Variants in PCDHA9 observed in about 807,000 individuals in gnomAD.
The protein encoded by PCDHA9 is protocadherin alpha-9.
A neutral mutation model predicts 62.0 loss-of-function variants in PCDHA9; 62 were observed. That is an observed-to-expected ratio of 1.00 (90% CI 0.81 to 1.23). The LOEUF (loss-of-function observed/expected upper bound fraction) is 1.23. PCDHA9 is among the 50% of genes most tolerant of loss of function. PCDHA9 has a pLI of 0.00. For synonymous variants in PCDHA9, 557 were observed against 567.6 expected, an observed-to-expected ratio of 0.98 and a Z score of 0.27; for missense variants, 1,205 against 1,249.8, an observed-to-expected ratio of 0.96 and a Z score of 0.54.
chr5:140,858,120 T>A, intron 1 of PCDHA9: 1 of 1,597,738 alleles, frequency 6.3e-7, no homozygotes, highest in Non-Finnish European at 8.6e-7. Context: ...GAGGTGGCCC[T>A]GGTGGATGTC....
At chr5:140,884,119 C>T (rs782009154) in intron 1 of PCDHA9, 1 of 1,613,310 alleles carries the variant, frequency 6.2e-7, no homozygotes. Context: ...CGGCGGTCGG[C>T]GCGCGCATCC....
chr5:140,936,593 C>T (rs1475903432), intron 1 of PCDHA9, among the ~76,000 whole-genome samples: 1 of 152,168 alleles, frequency 6.6e-6, no homozygotes, highest in African/African-American at 2.4e-5. Context: ...GTTAGATTGC[C>T]TACTTTCCTC....
intron 1 of PCDHA9, among the ~76,000 whole-genome samples, chr5:140,921,243 G>A (rs2080116903): frequency 6.6e-6 from 1 of 151,726 alleles, no homozygotes; most frequent in Non-Finnish European, 1.5e-5. Flanking sequence ...TTAAGCCACA[G>A]ATCAAAAAGT....
intron 1 of PCDHA9, chr5:140,967,137 T>C: frequency 1.2e-6 from 2 of 1,611,728 alleles, no homozygotes; most frequent in Non-Finnish European, 1.7e-6. Context: ...TTGGAAGTGC[T>C]GGCGCACAAC....
chr5:140,884,514 C>T (rs368331245), intron 1 of PCDHA9: 3 of 1,614,176 alleles, frequency 1.9e-6, no homozygotes, highest in African/African-American at 1.3e-5. Context: ...GGGAGTTGGT[C>T]GTACTCGCAG....
At chr5:140,884,120 G>A in intron 1 of PCDHA9, 1 of 1,613,322 alleles carries the variant, frequency 6.2e-7, no homozygotes, top group Non-Finnish European at 8.5e-7. Flanking sequence ...GGCGGTCGGC[G>A]CGCGCATCCC....
Position 140,870,063 on chromosome 5 carries a change from G to A in PCDHA9, c.2394+19174G>A. ...ACAAGTTTTATAAAATTGAAGTACA[G>A]GCTACAGATAAGGGGACTCCCCCAA... On this transcript the variant is annotated intron_variant, in intron 1 of 3. Transcript: ENST00000532602. 1.9e-6 allele frequency: 3 copies of A among 1,613,854 alleles called. No homozygotes were observed. The East Asian group carries it at 6.7e-5, about 36-fold the overall frequency.
At chr5:140,952,146 C>T (rs1204696324) in intron 1 of PCDHA9, among the ~76,000 whole-genome samples, 1 of 152,062 alleles carries the variant, frequency 6.6e-6, no homozygotes, top group African/African-American at 2.4e-5. Context: ...AGCTCCACTC[C>T]TGTGGCTTTG....
chr5:141,007,779 C>T (rs1378096050), intron 3 of PCDHA9, among the ~76,000 whole-genome samples: 4 of 152,184 alleles, frequency 2.6e-5, no homozygotes, highest in African/African-American at 9.7e-5. Context: ...AATGGTACTG[C>T]TTTACAAATT....
At chr5:140,893,336 A>G (rs2063930718) in intron 1 of PCDHA9, among the ~76,000 whole-genome samples, 1 of 152,098 alleles carries the variant, frequency 6.6e-6, no homozygotes, top group Admixed American at 6.6e-5. Context: ...TGTTTTCCTT[A>G]GTGGCAGTGC....
At chr5:140,904,152 C>T (rs782254163) in intron 1 of PCDHA9, among the ~76,000 whole-genome samples, 16 of 152,024 alleles carry the variant, frequency 1.1e-4, no homozygotes, top group Non-Finnish European at 2.2e-4. Context: ...ATACATTGCA[C>T]CCAGTTTGTA....
intron 1 of PCDHA9, chr5:140,871,072 G>A: frequency 6.2e-7 from 1 of 1,613,238 alleles, no homozygotes; most frequent in Non-Finnish European, 8.5e-7. Context: ...CGGTGAGCCG[G>A]CGCTGACGGC....
At chr5:140,870,073 A>G in intron 1 of PCDHA9, 1 of 1,613,872 alleles carries the variant, frequency 6.2e-7, no homozygotes. Flanking sequence ...GGCTACAGAT[A>G]AGGGGACTCC....
chr5:140,852,717 C>T lies in PCDHA9; in HGVS notation c.2394+1828C>T, dbSNP rs2042449102. ...ACTTTCAAGTATCTTTGTCTTTGCA[C>T]GTTTTTCAAGTTTCATGTGCCATTT... is the stretch of plus-strand genomic sequence containing the variant. On this transcript the variant is annotated intron_variant, in intron 1 of 3. Transcript: ENST00000532602. 6 of 981,714 alleles carry T rather than the reference C, an allele frequency of 6.1e-6. 2 individuals carry two copies. Among genetic ancestry groups the T allele is most frequent in the Non-Finnish European group, 7.4e-6 (6 of 814,360 alleles). 60.8% of individuals were successfully genotyped at this position (981,714 alleles called of 1,614,324 possible).
At chr5:140,965,911 G>C (rs1476309026) in intron 1 of PCDHA9, among the ~76,000 whole-genome samples, 1 of 152,206 alleles carries the variant, frequency 6.6e-6, no homozygotes, top group African/African-American at 2.4e-5. Context: ...CCAGGATGCT[G>C]GTTTTAGGCT....
At chr5:140,877,881 G>T (rs782565949) in intron 1 of PCDHA9, 73 of 1,468,602 alleles carry the variant, frequency 5.0e-5, no homozygotes, top group Non-Finnish European at 5.9e-5. Flanking sequence ...TTTCCTTGAA[G>T]AACTTCCGTT....
intron 1 of PCDHA9, among the ~76,000 whole-genome samples, chr5:140,885,265 T>C (rs2060534945): frequency 6.6e-6 from 1 of 152,186 alleles, no homozygotes; most frequent in African/African-American, 2.4e-5. Flanking sequence ...TAATTACTCA[T>C]ACATATATAT....
intron 1 of PCDHA9, chr5:140,855,849 C>T: frequency 7.5e-6 from 5 of 665,166 alleles, no homozygotes; most frequent in Non-Finnish European, 1.2e-5. Flanking sequence ...CCTAAAGCCA[C>T]CGGATGTCGC....
At chr5:140,961,617 C>A (rs781986571) in intron 1 of PCDHA9, among the ~76,000 whole-genome samples, 47 of 152,204 alleles carry the variant, frequency 3.1e-4, no homozygotes, top group Middle Eastern at 3.4e-3. Context: ...AACTAAAGTG[C>A]CCATATGAAA....
Sources: allele counts gnomAD v4.1 joint callset (sites outside exome capture counted in the v4.1 genomes callset), GRCh38; gene constraint gnomAD v4.1.1; transcripts MANE v1.5; gene names NCBI Gene and HGNC (gene_info 2026-07-23, HGNC 2026-07-21).